The following RBBP8NL variants were observed in gnomAD, a reference collection of about 807,000 sequenced individuals.
RBBP8NL encodes RBBP8 N-terminal-like protein.
A neutral mutation model predicts 62.2 loss-of-function variants in RBBP8NL; 59 were observed. The ratio of observed to expected loss-of-function variants is 0.95; its 90% confidence interval spans 0.77 to 1.18. RBBP8NL has a LOEUF of 1.18. Among genes scored for constraint, RBBP8NL ranks in the 50% most tolerant of loss-of-function variants. RBBP8NL has a pLI of 0.00. For synonymous variants in RBBP8NL, 412 were observed against 394.1 expected, an observed-to-expected ratio of 1.05 and a Z score of -0.54; for missense variants, 896 against 899.5, an observed-to-expected ratio of 1.00 and a Z score of 0.05.
chr20:62,412,595 TC>T (rs1178503683), intron 13 of RBBP8NL, 28 bp downstream of exon 13: 1 of 1,598,768 alleles, frequency 6.3e-7, no homozygotes, highest in East Asian at 2.2e-5. Context: ...CTCGCCCCCT[TC>T]CCTGCACCTG....
chr20:62,422,963 A>C (rs1988739510), intron 1 of RBBP8NL, among the ~76,000 whole-genome samples: 1 of 151,860 alleles, frequency 6.6e-6, no homozygotes, highest in Non-Finnish European at 1.5e-5. Flanking sequence ...TGGGGGTGAC[A>C]GTTGGCGGCT....
intron 1 of RBBP8NL, among the ~76,000 whole-genome samples, chr20:62,426,875 T>G (rs1378911045): frequency 6.6e-6 from 1 of 152,336 alleles, no homozygotes; most frequent in South Asian, 2.1e-4. Flanking sequence ...CCCTGCAACC[T>G]GACTCCCTCC....
chr20:62,412,551 G>T, intron 13 of RBBP8NL, 73 bp downstream of exon 13: 2 of 1,547,020 alleles, frequency 1.3e-6, no homozygotes, highest in Non-Finnish European at 1.7e-6. Context: ...AGGAGGAGAG[G>T]TGGCACTGGG....
rs761936515 is a variant in RBBP8NL, at chr20:62,414,055, G to A, written c.1296C>T (p.Ala432=). 32 of 1,594,516 alleles carry A rather than the reference G, an allele frequency of 2.0e-5. No individual in the cohort carries two copies. Among genetic ancestry groups the A allele is most frequent in the Non-Finnish European group, 2.6e-5 (31 of 1,172,282 alleles). Residue 432 remains alanine, a synonymous_variant, in exon 10 of 14, where the codon GCC becomes GCT. Coordinates refer to ENST00000252998, the MANE Select transcript of RBBP8NL (RefSeq NM_080833.3). The part of the protein sequence containing the change: ...PGRAQRTEAA[A]TQDCALDKPL... ...GCTTGTCTAGGGCACAGTCCTGCGT[G>A]GCTGCAGCCTCTGTCCTCTGGGCGC...
In RBBP8NL at chr20:62,413,813, C is replaced by A; in HGVS notation, c.1530+8G>T. The A allele has an allele frequency of 6.3e-7, 1 of 1,588,474 alleles. No individual in the cohort carries two copies. The highest frequency in any genetic ancestry group is 1.2e-5 in the South Asian group (1 of 86,866). ...GGACCGGGTCTGAGCCAGGACCGGG[C>A]TCCTTACCATGGGAGTGGAAGCCTC... is the stretch of plus-strand genomic sequence containing the variant. On this transcript the variant is annotated splice_region_variant and intron_variant, in intron 10 of 13. Transcript: ENST00000252998.
rs762376901 is a variant in RBBP8NL at position 62,413,424 on chromosome 20, G to A, written c.1652C>T (p.Pro551Leu). Reference sequence around the variant, plus strand: ...ACCTGGGTGGCCGTCCAGGTCAGGCGGCTGTGGGTGGGGAGGCGGCTGTGG... The same window carrying A: ...ACCTGGGTGGCCGTCCAGGTCAGGCAGCTGTGGGTGGGGAGGCGGCTGTGG... ...PHPQPPPHPQ[P>L]PDLDGHPEPS... The change falls in exon 11 of 14, where the codon CCG becomes CTG. Residue 551 changes from proline (P) to leucine (L), a missense_variant. Coordinates refer to ENST00000252998, the MANE Select transcript of RBBP8NL (RefSeq NM_080833.3). 34 of 1,457,556 alleles carry A rather than the reference G, an allele frequency of 2.3e-5. No individual in the cohort carries two copies. The highest frequency in any genetic ancestry group is 1.6e-4 in the African/African-American group (11 of 69,064). The allele number at this position is 1,457,556 out of a possible 1,614,324, so 90.3% of individuals were successfully genotyped here.
intron 5 of RBBP8NL, 58 bp from the exon 6 acceptor site, chr20:62,416,294 T>TGGGGG (rs2146440196): frequency 5.2e-5 from 27 of 515,244 alleles, no homozygotes; most frequent in East Asian, 9.4e-5. Context: ...GGGGCAGGGG[T>TGGGGG]GGGGTCGTCA....
At chr20:62,413,254 G>T in intron 11 of RBBP8NL, 147 bp downstream of exon 11, 2 of 1,072,592 alleles carry the variant, frequency 1.9e-6, no homozygotes, top group African/African-American at 1.6e-5. Context: ...GAAGAGCCAA[G>T]CCCTGGAGCC....
At chr20:62,418,275 G>T in intron 3 of RBBP8NL, 148 bp downstream of exon 3, 1 of 819,066 alleles carries the variant, frequency 1.2e-6, no homozygotes, top group Non-Finnish European at 2.0e-6. Context: ...GTGTGACCTT[G>T]GACAAGTGAC....
intron 8 of RBBP8NL, 86 bp from the exon 9 acceptor site, chr20:62,415,373 G>T (rs1308697682): frequency 1.4e-6 from 2 of 1,466,918 alleles, no homozygotes; most frequent in African/African-American, 2.8e-5. Context: ...CCTGCCCTGG[G>T]CTGCTCCCAC....
intron 9 of RBBP8NL, among the ~76,000 whole-genome samples, 195 bp from the exon 10 acceptor site, chr20:62,414,751 T>C (rs1988523375): frequency 6.6e-6 from 1 of 152,202 alleles, no homozygotes; most frequent in Non-Finnish European, 1.5e-5. Flanking sequence ...CTGGAGGCCA[T>C]GCTGTGTGGA....
At chr20:62,411,757 G>A (rs1243616990) in intron 13 of RBBP8NL, among the ~76,000 whole-genome samples, 1 of 152,258 alleles carries the variant, frequency 6.6e-6, no homozygotes, top group South Asian at 2.1e-4. Flanking sequence ...GCACAAGGGT[G>A]TGCTGGCTCA....
At chr20:62,425,173 G>T (rs73319078) in intron 1 of RBBP8NL, among the ~76,000 whole-genome samples, 3 of 152,120 alleles carry the variant, frequency 2.0e-5, no homozygotes, top group African/African-American at 7.2e-5. Context: ...AGACAGGAGC[G>T]CTCAGTGAGC....
Position 62,419,668 on chromosome 20 carries a change from CGGG to C in RBBP8NL, c.-24_-22del. 1 of 1,612,130 alleles carries C rather than the reference CGGG, an allele frequency of 6.2e-7. No individual in the cohort carries two copies. The highest frequency in any genetic ancestry group is 8.5e-7 in the Non-Finnish European group (1 of 1,179,756). On this transcript the variant is annotated 5_prime_UTR_variant, in exon 2 of 14. Transcript: ENST00000252998. ...TCCATGGCTCCCTGTGGCCCTGGCC[CGGG>C]CCCCTCTGCGCTGGGGTTGTGGAGA...
intron 1 of RBBP8NL, among the ~76,000 whole-genome samples, chr20:62,423,958 T>C (rs932664415): frequency 2.0e-5 from 3 of 151,282 alleles, no homozygotes; most frequent in African/African-American, 7.3e-5. Flanking sequence ...TTGTTGGGCT[T>C]GCCAAGGGCA....
At chr20:62,424,199 AG>A (rs1411954832) in intron 1 of RBBP8NL, among the ~76,000 whole-genome samples, 1 of 142,628 alleles carries the variant, frequency 7.0e-6, no homozygotes, top group African/African-American at 2.6e-5. Context: ...TCCAGGCTGG[AG>A]GGTCTCTGTG....
chr20:62,413,262 G>A (rs1407132661), intron 11 of RBBP8NL, 139 bp downstream of exon 11: 2 of 1,124,658 alleles, frequency 1.8e-6, no homozygotes, highest in Non-Finnish European at 2.4e-6. Context: ...AAGCCCTGGA[G>A]CCTGGGGTTG....
chr20:62,425,593 C>A (rs1988786668), intron 1 of RBBP8NL, among the ~76,000 whole-genome samples: 1 of 152,238 alleles, frequency 6.6e-6, no homozygotes, highest in Admixed American at 6.5e-5. Flanking sequence ...GAGGCCGGGC[C>A]CCCTGAGCTC....
intron 1 of RBBP8NL, among the ~76,000 whole-genome samples, chr20:62,420,371 C>CACACAT (rs1555892554): frequency 3.4e-5 from 5 of 148,824 alleles, no homozygotes; most frequent in African/African-American, 1.3e-4. Context: ...CACACACACA[C>CACACAT]ACACACACAC....
Sources: gnomAD v4.1 joint callset for allele counts (sites outside exome capture counted in the v4.1 genomes callset) on GRCh38, gnomAD v4.1.1 for gene constraint, MANE v1.5 for transcripts, NCBI Gene and HGNC (gene_info 2026-07-23, HGNC 2026-07-21) for gene names.